The following ATP1A1 variants were observed in gnomAD, a reference collection of about 807,000 sequenced individuals.
The protein encoded by ATP1A1 is ATPase Na+/K+ transporting subunit alpha 1.
In ATP1A1, 14 loss-of-function variants were observed where a neutral mutation model predicts 114.8. That is an observed-to-expected ratio of 0.12 (90% CI 0.08 to 0.19). ATP1A1 has a LOEUF of 0.19. Ranked by LOEUF, ATP1A1 falls within the 10% of genes least tolerant of loss-of-function variation. The pLI, the probability that ATP1A1 is intolerant of heterozygous loss-of-function variation, is 1.00. For missense variants in ATP1A1, 524 were observed against 1,290.7 expected (o/e 0.41, Z 9.10); for synonymous variants, 471 against 466.3 (o/e 1.01, Z -0.13).
In ATP1A1 at chr1:116,392,952, C is replaced by T. The variant is rs769282405; in HGVS notation, c.1431C>T (p.Ile477=). ...VKEMRERYAK[I]VEIPFNSTNK... ...AGATGAGAGAAAGATACGCCAAAAT[C>T]GTCGAGATACCCTTCAACTCCACCA... The change falls in exon 11 of 23, where the codon ATC becomes ATT. Residue 477 remains isoleucine, a synonymous_variant. Transcript: ENST00000295598. 2.0e-5 allele frequency: 33 copies of T among 1,613,974 alleles called. No individual in the cohort carries two copies. The Admixed American group carries it at 3.8e-4, about 19-fold the overall frequency.
At chr1:116,403,275 A>G (rs766099781) in intron 21 of ATP1A1, among the ~76,000 whole-genome samples, 2 of 152,150 alleles carry the variant, frequency 1.3e-5, no homozygotes, top group Non-Finnish European at 2.9e-5. Flanking sequence ...GGAGCTGGTG[A>G]TCACGGAGGC....
chr1:116,377,047 T>C (rs547884882), intron 1 of ATP1A1, among the ~76,000 whole-genome samples: 54 of 152,368 alleles, frequency 3.5e-4, no homozygotes, highest in African/African-American at 1.3e-3. Flanking sequence ...CTATGTTCTT[T>C]TAAATATATC....
Position 116,401,709 on chromosome 1 carries a change from T to C in ATP1A1, c.2951+54T>C, listed in dbSNP as rs576250317. 8.8e-5 allele frequency: 135 copies of C among 1,528,400 alleles called. No individual in the cohort carries two copies. The East Asian group carries it at 2.7e-3, about 30-fold the overall frequency. 94.7% of individuals were successfully genotyped at this position (1,528,400 alleles called of 1,614,324 possible). ...AGTATGAAATAGTATGTGTGGCTTT[T>C]CCCCCCATTACTTGTGGTAATAGTT... On this transcript the variant is annotated intron_variant, in intron 21 of 22. Transcript: ENST00000295598. This position sits in a 1 kb window ranked among gnomAD's most constrained non-coding sequence, Gnocchi z 4.7.
chr1:116,373,718 G>A, intron 1 of ATP1A1, 195 bp downstream of exon 1: 2 of 932,906 alleles, frequency 2.1e-6, no homozygotes, highest in South Asian at 2.5e-5. Flanking sequence ...GGGGGGCGGG[G>A]GAAGGGAGCG....
At position 116,389,405 on chromosome 1, in the gene ATP1A1, A is replaced by G. The variant is rs1402093228; in HGVS notation, c.755-34A>G. ...CGTGGCTTCCTTCAGGTTAGATACA[A>G]TTAGGTACAGTTCTCCCTCCCCTTC... On this transcript the variant is annotated intron_variant, in intron 7 of 22. Transcript: ENST00000295598. The surrounding 1 kb of genome is among the most constrained non-coding windows in gnomAD (Gnocchi z 6.9). The G allele has an allele frequency of 4.3e-6, 7 of 1,611,132 alleles. No individual in the cohort carries two copies. Among genetic ancestry groups the G allele is most frequent in the Admixed American group, 1.7e-5 (1 of 59,962 alleles).
intron 8 of ATP1A1, 189 bp from the exon 9 acceptor site, chr1:116,390,024 A>T: frequency 1.5e-6 from 1 of 687,216 alleles, no homozygotes; most frequent in Non-Finnish European, 2.4e-6. Flanking sequence ...TATTTTTCTT[A>T]ATAGATTGCT....
At chr1:116,391,564 T>G (rs2101048734) in intron 10 of ATP1A1, among the ~76,000 whole-genome samples, 1 of 152,310 alleles carries the variant, frequency 6.6e-6, no homozygotes, top group Admixed American at 6.5e-5. Context: ...GGGTCCCACA[T>G]TCTCTGTGAA....
At chr1:116,390,691 A>C in intron 9 of ATP1A1, 91 bp from the exon 10 acceptor site, 2 of 1,076,918 alleles carry the variant, frequency 1.9e-6, no homozygotes, top group Non-Finnish European at 2.8e-6. Flanking sequence ...GTATCACTGC[A>C]GATTTCTATG....
chr1:116,396,543 C>CT, intron 13 of ATP1A1, 55 bp from the exon 14 acceptor site: 1 of 1,604,236 alleles, frequency 6.2e-7, no homozygotes, highest in Non-Finnish European at 8.5e-7. Flanking sequence ...GGATATAAGA[C>CT]TTTAAGGTCA....
chr1:116,376,190 T>C (rs1178222383), intron 1 of ATP1A1, among the ~76,000 whole-genome samples: 2 of 152,082 alleles, frequency 1.3e-5, no homozygotes, highest in Non-Finnish European at 2.9e-5. Flanking sequence ...GCATTCCGGA[T>C]TTAGTTTGAA....
intron 1 of ATP1A1, among the ~76,000 whole-genome samples, chr1:116,380,260 C>G (rs1651656070): frequency 6.6e-6 from 1 of 152,210 alleles, no homozygotes; most frequent in African/African-American, 2.4e-5. Context: ...ACACCATTAG[C>G]AGACCTGTCT....
In ATP1A1 at chr1:116,385,370, T is replaced by C. The variant is rs1319922755; in HGVS notation, c.183+528T>C. 2 of 155,734 alleles carry C rather than the reference T, an allele frequency of 1.3e-5. No individual in the cohort carries two copies. The highest frequency in any genetic ancestry group is 2.8e-5 in the Non-Finnish European group (2 of 70,684). 9.6% of individuals were successfully genotyped at this position (155,734 alleles called of 1,614,324 possible). On this transcript the variant is annotated intron_variant, in intron 3 of 22. Transcript: ENST00000295598. The surrounding 1 kb of genome is among the most constrained non-coding windows in gnomAD (Gnocchi z 4.3). ...AAATAGGCGTTATGTATCCTTGTTA[T>C]GTAGAGGATTTTGATATTAAATGTG... is the stretch of plus-strand genomic sequence containing the variant.
rs1652682461 is a variant in ATP1A1 at position 116,393,896 on chromosome 1, A to AT, written c.1660+174dup. Among the ~76,000 whole-genome samples, 1 of 152,198 alleles carries AT rather than the reference A, an allele frequency of 6.6e-6. No individual in the cohort carries two copies. The highest frequency in any genetic ancestry group is 2.1e-4 in the South Asian group (1 of 4,838). Reference sequence around the variant, plus strand: ...TTTGCCCCCTATTATTTTGAAAACAATAAGTGCTGAAGAAATGTTCAGCGT... The same window carrying AT: ...TTTGCCCCCTATTATTTTGAAAACAATTAAGTGCTGAAGAAATGTTCAGCGT... On this transcript the variant is annotated intron_variant, in intron 12 of 22. Transcript: ENST00000295598. This position sits in a 1 kb window ranked among gnomAD's most constrained non-coding sequence, Gnocchi z 5.0.
At chr1:116,402,069 G>A (rs1377830614) in intron 21 of ATP1A1, 1 of 175,158 alleles carries the variant, frequency 5.7e-6, no homozygotes, top group Non-Finnish European at 1.2e-5. Flanking sequence ...CCACCTTTCT[G>A]AGACTCTGAA....
Position 116,389,369 on chromosome 1 carries a change from T to A in ATP1A1, c.755-70T>A, listed in dbSNP as rs957107450. The A allele has an allele frequency of 1.7e-5, 27 of 1,575,934 alleles. No homozygotes were observed. The highest frequency in any genetic ancestry group is 2.1e-5 in the Non-Finnish European group (24 of 1,155,792). The stretch of plus-strand genomic sequence containing the variant: ...TGTTTTTTTAGTCATCCTATGTAAT[T>A]GTGTAAAATCCGTGGCTTCCTTCAG... On this transcript the variant is annotated intron_variant, in intron 7 of 22. Transcript: ENST00000295598. This position sits in a 1 kb window ranked among gnomAD's most constrained non-coding sequence, Gnocchi z 6.9.
chr1:116,399,420 G>T lies in ATP1A1; in HGVS notation c.2449G>T (p.Val817Phe). The change falls in exon 18 of 23, where the codon GTT becomes TTT. Residue 817 changes from valine (V) to phenylalanine (F), a missense_variant and splice_region_variant. Coordinates refer to ENST00000295598, the MANE Select transcript of ATP1A1 (RefSeq NM_000701.8). This position sits in a 1 kb window ranked among gnomAD's most constrained non-coding sequence, Gnocchi z 5.0. Reference protein sequence around the residue: ...ILCIDLGTDMVPAISLAYEQA... With the variant: ...ILCIDLGTDMFPAISLAYEQA... ...ATTCCTTCTCCCCACCCCTTCCCAG[G>T]TTCCTGCCATCTCCCTGGCTTATGA... The T allele has an allele frequency of 6.2e-7, 1 of 1,613,896 alleles. No homozygotes were observed. The highest frequency in any genetic ancestry group is 8.5e-7 in the Non-Finnish European group (1 of 1,179,926).
At chr1:116,383,275 T>C (rs1651864881) in intron 1 of ATP1A1, 8 of 843,392 alleles carry the variant, frequency 9.5e-6, no homozygotes, top group African/African-American at 1.9e-5. Flanking sequence ...TTATCTCTTA[T>C]GCAAAGAATT....
At chr1:116,382,605 GTC>G (rs1651818909) in intron 1 of ATP1A1, 1 of 152,202 alleles carries the variant, frequency 6.6e-6, no homozygotes, top group Non-Finnish European at 1.5e-5. Context: ...TAAATAATGT[GTC>G]TCTACATGTG....
rs866710893 is a variant in ATP1A1, at chr1:116,397,809, G to C, written c.1974-79G>C. 9.3e-6 allele frequency: 14 copies of C among 1,506,096 alleles called. No individual in the cohort carries two copies. The Middle Eastern group carries it at 8.9e-4, about 96-fold the overall frequency. 93.3% of individuals were successfully genotyped at this position (1,506,096 alleles called of 1,614,324 possible). A position where few individuals can be genotyped will look rare whatever the true frequency, so the allele number is the denominator to read the frequency against. The stretch of plus-strand genomic sequence containing the variant: ...TTTGTTTACAAAGTGATCTGCATAA[G>C]AATATCCCCTCTTGAGGTGATGGAC... On this transcript the variant is annotated intron_variant, in intron 14 of 22. Coordinates refer to ENST00000295598, the MANE Select transcript of ATP1A1 (RefSeq NM_000701.8). This position sits in a 1 kb window ranked among gnomAD's most constrained non-coding sequence, Gnocchi z 4.2.
Sources: gnomAD v4.1 joint callset for allele counts (sites outside exome capture counted in the v4.1 genomes callset) on GRCh38, gnomAD v4.1.1 for gene constraint, Gnocchi (gnomAD v3.1) non-coding constraint, MANE v1.5 for transcripts, NCBI Gene and HGNC (gene_info 2026-07-23, HGNC 2026-07-21) for gene names.